SLC66A2: variants seen among roughly 807,000 people sequenced by gnomAD.
The protein encoded by SLC66A2 is PQ loop repeat containing 1.
SLC66A2 carries 23 observed loss-of-function variants against 25.5 expected under a neutral mutation model. The ratio of observed to expected loss-of-function variants is 0.90; its 90% CI spans 0.65 to 1.28. The LOEUF (loss-of-function observed/expected upper bound fraction) is 1.28. Among genes scored for constraint, SLC66A2 ranks in the 50% most tolerant of loss-of-function variants. The pLI is 0.00. For synonymous variants in SLC66A2, 193 were observed against 166.5 expected, an observed-to-expected ratio of 1.16 and a Z score of -1.23; for missense variants, 396 against 373.1, an observed-to-expected ratio of 1.06 and a Z score of -0.51.
At chr18:79,947,688 G>A (rs961377841) in intron 2 of SLC66A2, among the ~76,000 whole-genome samples, 4 of 72,576 alleles carry the variant, frequency 5.5e-5, no homozygotes, top group Non-Finnish European at 1.3e-4. Flanking sequence ...CACCGAGTGT[G>A]CCTGCGCATG....
rs1984443616 is a variant in SLC66A2, at chr18:79,918,069, C to T, written c.608+1115G>A. On this transcript the variant is annotated intron_variant, in intron 5 of 5. Coordinates refer to ENST00000397778, the MANE Select transcript of SLC66A2 (RefSeq NM_025078.5). The surrounding 1 kb of genome is among the most constrained non-coding windows in gnomAD (Gnocchi z 4.0). ...TACATCTCACCCCCTACCACCACCC[C>T]ACACCTACGACAAGCCCTCCTACCT... is the stretch of plus-strand genomic sequence containing the variant. Among the ~76,000 whole-genome samples the T allele has an allele frequency of 6.6e-6, 1 of 152,118 alleles. No individual in the cohort carries two copies. Among genetic ancestry groups the T allele is most frequent in the African/African-American group, 2.4e-5 (1 of 41,404 alleles).
Position 79,943,761 on chromosome 18 carries a change from C to A in SLC66A2, c.204-299G>T, listed in dbSNP as rs571582386. The stretch of plus-strand genomic sequence containing the variant: ...GGAGGGAGGCCCACCCATGCCGCCT[C>A]TCCTGGTCCCGAACTTGCAGCAGGA... On this transcript the variant is annotated intron_variant, in intron 2 of 5. Transcript: ENST00000397778. 5.0e-5 allele frequency: 15 copies of A among 300,054 alleles called. No homozygotes were observed. The South Asian group carries it at 5.5e-4, about 11-fold the overall frequency. The allele number at this position is 300,054 out of a possible 1,614,324, so 18.6% of individuals were successfully genotyped here. A position where few individuals can be genotyped will look rare whatever the true frequency, so the allele number is the denominator to read the frequency against.
Position 79,904,670 on chromosome 18 carries a change from G to C in SLC66A2, c.609-487C>G, listed in dbSNP as rs568856974. Among the ~76,000 whole-genome samples the C allele has an allele frequency of 1.3e-5, 2 of 152,280 alleles. No homozygotes were observed. The highest frequency in any genetic ancestry group is 4.1e-4 in the South Asian group (2 of 4,832). ...CCCAGGCACACAGCCAAGTGGAGCA[G>C]AGCAGCTGCTTTTGGGTCTCTGCCG... is the stretch of plus-strand genomic sequence containing the variant. On this transcript the variant is annotated intron_variant, in intron 5 of 5. Transcript: ENST00000397778. The surrounding 1 kb of genome is among the most constrained non-coding windows in gnomAD (Gnocchi z 6.3).
rs1368983730 is a variant in SLC66A2 at position 79,940,041 on chromosome 18, T to C, written c.337+3288A>G. Among the ~76,000 whole-genome samples the C allele has an allele frequency of 6.6e-6, 1 of 152,226 alleles. No individual in the cohort carries two copies. The highest frequency in any genetic ancestry group is 1.5e-5 in the Non-Finnish European group (1 of 68,040). ...GTGGTACGTATACACCACGGAACAC[T>C]ATGCAGCCATAAAAGAGAACAAGAT... On this transcript the variant is annotated intron_variant, in intron 3 of 5. Coordinates refer to ENST00000397778, the MANE Select transcript of SLC66A2 (RefSeq NM_025078.5). This position sits in a 1 kb window ranked among gnomAD's most constrained non-coding sequence, Gnocchi z 4.1.
chr18:79,933,777 C>T (rs1296921810), intron 4 of SLC66A2, among the ~76,000 whole-genome samples, 192 bp downstream of exon 4: 1 of 152,112 alleles, frequency 6.6e-6, no homozygotes, highest in Non-Finnish European at 1.5e-5. Flanking sequence ...AGAGCATGGA[C>T]AGGCTTCTAG....
intron 5 of SLC66A2, among the ~76,000 whole-genome samples, chr18:79,916,259 C>T (rs1345239352): frequency 8.4e-5 from 4 of 47,556 alleles, no homozygotes; most frequent in Admixed American, 2.6e-4. Flanking sequence ...CTCTCATAGC[C>T]GCAGTGCTCC....
chr18:79,905,413 C>A (rs1249153485), intron 5 of SLC66A2, among the ~76,000 whole-genome samples: 2 of 151,850 alleles, frequency 1.3e-5, no homozygotes, highest in Non-Finnish European at 2.9e-5. Context: ...TGGTGCAGGC[C>A]CCTCGGCCTC....
In SLC66A2 at chr18:79,916,221, T is replaced by C. The variant is rs115126423; in HGVS notation, c.608+2963A>G. ...TGCTCCCGTACCCGCGGCGCTCTTG[T>C]ACCTGCGGCACTCCCGTACCCGTGG... On this transcript the variant is annotated intron_variant, in intron 5 of 5. Transcript: ENST00000397778. Among the ~76,000 whole-genome samples the C allele has an allele frequency of 3.9e-3, 496 of 127,186 alleles. 21 individuals are homozygous for C. The highest frequency in any genetic ancestry group is 0.014 in the African/African-American group (473 of 33,640). The allele number at this position is 127,186 out of a possible 152,430, so 83.4% of individuals were successfully genotyped here. A position where few individuals can be genotyped will look rare whatever the true frequency, so the allele number is the denominator to read the frequency against.
intron 2 of SLC66A2, among the ~76,000 whole-genome samples, chr18:79,949,127 G>A (rs751655095): frequency 3.1e-4 from 47 of 152,274 alleles, no homozygotes; most frequent in Non-Finnish European, 6.6e-4. Context: ...CTGCCTCAGA[G>A]ACAACTCTGG....
intron 4 of SLC66A2, among the ~76,000 whole-genome samples, chr18:79,931,353 G>A (rs765268771): frequency 2.6e-5 from 4 of 152,028 alleles, no homozygotes; most frequent in Non-Finnish European, 5.9e-5. Flanking sequence ...AAAGTTAAAA[G>A]TAAAACAATG....
chr18:79,916,081 G>A lies in SLC66A2; in HGVS notation c.608+3103C>T, dbSNP rs1469658838. ...GCGCTCCCATACCCACAGCGCTCCCGTACCCACGGTGCTCTCATACCCGCA... is the reference window on the plus strand; with the variant it reads ...GCGCTCCCATACCCACAGCGCTCCCATACCCACGGTGCTCTCATACCCGCA... On this transcript the variant is annotated intron_variant, in intron 5 of 5. Coordinates refer to ENST00000397778, the MANE Select transcript of SLC66A2 (RefSeq NM_025078.5). 252 of 213,304 alleles carry A rather than the reference G, an allele frequency of 1.2e-3. 2 individuals carry two copies. The highest frequency in any genetic ancestry group is 5.3e-3 in the Admixed American group (81 of 15,306). The allele number at this position is 213,304 out of a possible 1,614,324, so 13.2% of individuals were successfully genotyped here. A position where few individuals can be genotyped will look rare whatever the true frequency, so the allele number is the denominator to read the frequency against.
intron 2 of SLC66A2, among the ~76,000 whole-genome samples, chr18:79,950,435 G>A (rs554344459): frequency 2.0e-5 from 3 of 152,364 alleles, no homozygotes; most frequent in African/African-American, 7.2e-5. Flanking sequence ...GCCTAGGCCA[G>A]TGCCCAGCTG....
In SLC66A2 at chr18:79,918,427, G is replaced by GGT. The variant is rs1483635860; in HGVS notation, c.608+756_608+757insAC. ...CCCAGTGAGGAGCGGGCCCGGGGGGGGGTCCCCAGTGAGGAGCGGGCACCG... is the reference window on the plus strand; with the variant it reads ...CCCAGTGAGGAGCGGGCCCGGGGGGGGTGGTCCCCAGTGAGGAGCGGGCACCG... On this transcript the variant is annotated intron_variant, in intron 5 of 5. Coordinates refer to ENST00000397778, the MANE Select transcript of SLC66A2 (RefSeq NM_025078.5). The surrounding 1 kb of genome is among the most constrained non-coding windows in gnomAD (Gnocchi z 4.0). Among the ~76,000 whole-genome samples, 2 of 149,652 alleles carry GGT rather than the reference G, an allele frequency of 1.3e-5. 1 individual carries two copies. Among genetic ancestry groups the GGT allele is most frequent in the Admixed American group, 1.3e-4 (2 of 15,122 alleles).
Position 79,919,923 on chromosome 18 carries a change from G to A in SLC66A2, c.392-523C>T, listed in dbSNP as rs868231513. Among the ~76,000 whole-genome samples the A allele has an allele frequency of 7.0e-3, 31 of 4,438 alleles. 1 individual carries two copies. Among genetic ancestry groups the A allele is most frequent in the African/African-American group, 8.3e-3 (29 of 3,478 alleles). 2.9% of individuals were successfully genotyped at this position (4,438 alleles called of 152,430 possible). The stretch of plus-strand genomic sequence containing the variant: ...ACCGAGTGAGAGGTCAAGGTCAGTG[G>A]GGAGAGACAGGAACCGAGGGAGAGG... On this transcript the variant is annotated intron_variant, in intron 4 of 5. Coordinates refer to ENST00000397778, the MANE Select transcript of SLC66A2 (RefSeq NM_025078.5).
At chr18:79,914,429 G>A (rs985617763) in intron 5 of SLC66A2, among the ~76,000 whole-genome samples, 8 of 152,308 alleles carry the variant, frequency 5.3e-5, no homozygotes, top group African/African-American at 7.2e-5. Context: ...AACCTGAGAC[G>A]TCTCTGACCT....
intron 3 of SLC66A2, chr18:79,935,283 C>T (rs531008405): frequency 6.6e-6 from 1 of 152,264 alleles, no homozygotes; most frequent in Non-Finnish European, 1.5e-5. Flanking sequence ...AGTCACATCC[C>T]ACACCAGGCT....
At chr18:79,922,311 T>A (rs1052912421) in intron 4 of SLC66A2, among the ~76,000 whole-genome samples, 2 of 150,890 alleles carry the variant, frequency 1.3e-5, no homozygotes, top group Admixed American at 1.3e-4. Context: ...GCTAAAATCC[T>A]TCAAATTAAT....
Position 79,903,521 on chromosome 18 carries a change from A to G in SLC66A2, c.*455T>C. On this transcript the variant is annotated 3_prime_UTR_variant, in exon 6 of 6. Coordinates refer to ENST00000397778, the MANE Select transcript of SLC66A2 (RefSeq NM_025078.5). ...TGGGTAGCAGAGGCCACCCCAGTCCAAGCAGGGTGTCTGGCCAGGGTGTCA... is the reference window on the plus strand; with the variant it reads ...TGGGTAGCAGAGGCCACCCCAGTCCGAGCAGGGTGTCTGGCCAGGGTGTCA... The G allele has an allele frequency of 5.9e-6, 1 of 170,298 alleles. No homozygotes were observed. The highest frequency in any genetic ancestry group is 1.2e-5 in the Non-Finnish European group (1 of 80,712). 10.5% of individuals were successfully genotyped at this position (170,298 alleles called of 1,614,324 possible). A position where few individuals can be genotyped will look rare whatever the true frequency, so the allele number is the denominator to read the frequency against.
rs570118765 is a variant in SLC66A2 at position 79,951,543 on chromosome 18, G to A, written c.-100+38C>T. The A allele has an allele frequency of 4.4e-3, 667 of 152,206 alleles. 2 individuals are homozygous for A. Among genetic ancestry groups the A allele is most frequent in the South Asian group, 9.2e-3 (51 of 5,550 alleles). The allele number at this position is 152,206 out of a possible 1,614,324, so 9.4% of individuals were successfully genotyped here. ...CCTGCGTCCTCGGCCGCCCTAGGCCGCCCCCCGAGGACCCCGCGCCGCCCC... is the reference window on the plus strand; with the variant it reads ...CCTGCGTCCTCGGCCGCCCTAGGCCACCCCCCGAGGACCCCGCGCCGCCCC... On this transcript the variant is annotated intron_variant, in intron 1 of 5. Transcript: ENST00000397778.
Sources: allele counts gnomAD v4.1 joint callset (sites outside exome capture counted in the v4.1 genomes callset), GRCh38; gene constraint gnomAD v4.1.1; non-coding constraint Gnocchi (gnomAD v3.1); transcripts MANE v1.5; gene names NCBI Gene and HGNC (gene_info 2026-07-23, HGNC 2026-07-21).